Variants in PPM1B observed in about 807,000 individuals in gnomAD.
PPM1B encodes the protein protein phosphatase 1B.
In PPM1B, 22 loss-of-function variants were observed where a neutral mutation model predicts 43.0. The ratio of observed to expected loss-of-function variants is 0.51; its 90% confidence interval spans 0.37 to 0.73. The LOEUF (loss-of-function observed/expected upper bound fraction) is 0.73. PPM1B is among the 30% of genes least tolerant of loss of function. The pLI is 0.00. For synonymous variants in PPM1B, 217 were observed against 197.9 expected (o/e 1.10, Z -0.81); for missense variants, 632 against 584.2 (o/e 1.08, Z -0.84).
At chr2:44,199,104 A>G (rs1318888874) in intron 1 of PPM1B, among the ~76,000 whole-genome samples, 1 of 151,990 alleles carries the variant, frequency 6.6e-6, no homozygotes, top group Non-Finnish European at 1.5e-5. Flanking sequence ...TAAAAATACA[A>G]AAAATTAGCT....
At chr2:44,186,696 A>G (rs1668140492) in intron 1 of PPM1B, among the ~76,000 whole-genome samples, 1 of 152,246 alleles carries the variant, frequency 6.6e-6, no homozygotes, top group Non-Finnish European at 1.5e-5. Context: ...TAAAAGGTTT[A>G]TACAACTATT....
chr2:44,188,739 T>TTTCC (rs557248948), intron 1 of PPM1B, among the ~76,000 whole-genome samples: 21 of 148,478 alleles, frequency 1.4e-4, no homozygotes, highest in South Asian at 4.4e-4. Context: ...TCCTTCCTTC[T>TTTCC]TTCCTTCCTT....
chr2:44,214,909 C>T (rs750176229), intron 3 of PPM1B, among the ~76,000 whole-genome samples: 4 of 152,196 alleles, frequency 2.6e-5, no homozygotes, highest in African/African-American at 4.8e-5. Flanking sequence ...GTGCCTAGCA[C>T]GTAAGTCCTC....
chr2:44,221,594 A>G (rs1669979341), intron 5 of PPM1B, among the ~76,000 whole-genome samples: 1 of 152,216 alleles, frequency 6.6e-6, no homozygotes, highest in South Asian at 2.1e-4. Context: ...GTTTTTTTAA[A>G]TAACAAAAAT....
At chr2:44,200,722 T>C (rs569713114) in intron 1 of PPM1B, among the ~76,000 whole-genome samples, 1 of 152,354 alleles carries the variant, frequency 6.6e-6, no homozygotes, top group South Asian at 2.1e-4. Context: ...TAGTATACCT[T>C]CCTACCTTGA....
In PPM1B at chr2:44,192,096, A is replaced by AT. The variant is rs375145235; in HGVS notation, c.-14-9078dup. ...AGGGGTCTGGGGGATTTTACTTTTGATTTTTTTTTTTTCAGTTTGATTTTC... is the reference window on the plus strand; with the variant it reads ...AGGGGTCTGGGGGATTTTACTTTTGATTTTTTTTTTTTTCAGTTTGATTTTC... On this transcript the variant is annotated intron_variant, in intron 1 of 5. Coordinates refer to ENST00000282412, the MANE Select transcript of PPM1B (RefSeq NM_002706.6). 3.7e-3 allele frequency among the ~76,000 whole-genome samples: 344 copies of AT among 93,746 alleles called. 1 individual carries two copies. Among genetic ancestry groups the AT allele is most frequent in the South Asian group, 0.017 (51 of 3,064 alleles). The allele number at this position is 93,746 out of a possible 152,430, so 61.5% of individuals were successfully genotyped here.
chr2:44,169,600 A>T (rs868581989), intron 1 of PPM1B, among the ~76,000 whole-genome samples: 1 of 152,328 alleles, frequency 6.6e-6, no homozygotes. Flanking sequence ...CATCTCTTTC[A>T]CACGAAAGCA....
At chr2:44,213,732 G>A (rs542718260) in intron 3 of PPM1B, 47 of 152,254 alleles carry the variant, frequency 3.1e-4, no homozygotes, top group African/African-American at 1.0e-3. Flanking sequence ...GTCCTGCTTT[G>A]AGGGTGATGA....
chr2:44,221,254 C>T lies in PPM1B; in HGVS notation c.1134+2717C>T, dbSNP rs192932790. ...TTGTTTACTGTGAAAACTGACTTTA[C>T]AGCCTAGAATTTTAAATGGGGAAAT... On this transcript the variant is annotated intron_variant, in intron 5 of 5. Coordinates refer to ENST00000282412, the MANE Select transcript of PPM1B (RefSeq NM_002706.6). Among the ~76,000 whole-genome samples, 8 of 152,288 alleles carry T rather than the reference C, an allele frequency of 5.3e-5. No homozygotes were observed. In the East Asian group the frequency reaches 1.3e-3, roughly 26 times the overall value.
intron 1 of PPM1B, among the ~76,000 whole-genome samples, chr2:44,172,314 A>G (rs1667384973): frequency 6.6e-6 from 1 of 152,212 alleles, no homozygotes; most frequent in Non-Finnish European, 1.5e-5. Flanking sequence ...ATATTAGCAG[A>G]ATTGATGGTT....
At chr2:44,230,047 G>A in intron 5 of PPM1B, 7 of 1,572,172 alleles carry the variant, frequency 4.5e-6, no homozygotes, top group Non-Finnish European at 6.0e-6. Context: ...TTTTCCTACT[G>A]CTTTAAACAT....
rs559688186 is a variant in PPM1B, at chr2:44,218,669, A to C, written c.1134+132A>C. The stretch of plus-strand genomic sequence containing the variant: ...TAAATTACTACTGCTTTTCATTTTA[A>C]AGTGTCAGTTAAAGTTTAAGAAAAT... On this transcript the variant is annotated intron_variant, in intron 5 of 5. Coordinates refer to ENST00000282412, the MANE Select transcript of PPM1B (RefSeq NM_002706.6). The C allele has an allele frequency of 3.3e-4, 219 of 659,994 alleles. 1 individual carries two copies. In the South Asian group the frequency reaches 4.5e-3, roughly 13 times the overall value. The allele number at this position is 659,994 out of a possible 1,614,324, so 40.9% of individuals were successfully genotyped here.
intron 1 of PPM1B, among the ~76,000 whole-genome samples, chr2:44,178,444 TTATATATGTATATATA>T (rs1667691438): frequency 7.1e-6 from 1 of 141,028 alleles, no homozygotes; most frequent in South Asian, 2.2e-4. Context: ...GTGGTGTATT[TTATATATGTATATATA>T]TATATATATA....
downstream of PPM1B, chr2:44,232,330 A>G: frequency 6.2e-7 from 1 of 1,606,346 alleles, no homozygotes; most frequent in Non-Finnish European, 8.5e-7. Context: ...CTGGAGATCT[A>G]GAAGACCCAT....
At chr2:44,181,601 A>G (rs1390102751) in intron 1 of PPM1B, among the ~76,000 whole-genome samples, 1 of 152,182 alleles carries the variant, frequency 6.6e-6, no homozygotes, top group African/African-American at 2.4e-5. Context: ...GATTGATGGA[A>G]CATAGTGATT....
At chr2:44,233,748 AT>A (rs1389947014), downstream of PPM1B, 1 of 985,716 alleles carries the variant, frequency 1.0e-6, no homozygotes, top group African/African-American at 1.7e-5. Flanking sequence ...TTTCCTGATC[AT>A]TTGATTTATT....
At chr2:44,187,211 G>A (rs1453692666) in intron 1 of PPM1B, among the ~76,000 whole-genome samples, 1 of 152,110 alleles carries the variant, frequency 6.6e-6, no homozygotes, top group Non-Finnish European at 1.5e-5. Flanking sequence ...CTGACATGTT[G>A]TCCATGTTGT....
intron 5 of PPM1B, among the ~76,000 whole-genome samples, chr2:44,228,970 G>C (rs1670350117): frequency 6.6e-6 from 1 of 152,050 alleles, no homozygotes; most frequent in African/African-American, 2.4e-5. Flanking sequence ...ATCACCTGAG[G>C]TTGGGAGTTC....
chr2:44,234,607 A>T, downstream of PPM1B: 9 of 984,938 alleles, frequency 9.1e-6, no homozygotes, highest in Non-Finnish European at 1.1e-5. Flanking sequence ...TGTATGAGTT[A>T]GTAAAAGAAA....
Sources: gnomAD v4.1 joint callset for allele counts (sites outside exome capture counted in the v4.1 genomes callset) on GRCh38, gnomAD v4.1.1 for gene constraint, MANE v1.5 for transcripts, NCBI Gene and HGNC (gene_info 2026-07-23, HGNC 2026-07-21) for gene names.